Variants in MPP3 observed in about 807,000 individuals in gnomAD.
MPP3 encodes the protein MAGUK p55 subfamily member 3.
Under a neutral mutation model 80.7 loss-of-function variants are expected in MPP3, and 48 were observed. That is an observed-to-expected ratio of 0.59 (90% CI 0.47 to 0.76). MPP3 has a LOEUF of 0.76. Ranked by LOEUF, MPP3 falls within the 30% of genes least tolerant of loss-of-function variation. MPP3 has a pLI of 0.00. For synonymous variants in MPP3, 311 were observed against 297.6 expected, an observed-to-expected ratio of 1.04 and a Z score of -0.46; for missense variants, 620 against 763.0, an observed-to-expected ratio of 0.81 and a Z score of 2.21.
intron 8 of MPP3, 149 bp downstream of exon 8, chr17:43,827,602 G>C (rs1463634240): frequency 7.2e-6 from 5 of 697,058 alleles, no homozygotes; most frequent in Non-Finnish European, 1.2e-5. Flanking sequence ...AAGGAGATGA[G>C]AATTCCAGCC....
chr17:43,812,702 T>C (rs919555561), intron 16 of MPP3, among the ~76,000 whole-genome samples: 1 of 152,202 alleles, frequency 6.6e-6, no homozygotes, highest in Middle Eastern at 3.2e-3. Context: ...GTGGAGTGCC[T>C]AGAAGCAGGT....
Position 43,825,848 on chromosome 17 carries a change from G to A in MPP3, c.524-7C>T, listed in dbSNP as rs572357061. ...TCTCCAACGTGGACCAGGCCTAGGA[G>A]ACACAGGGACTGACCATCAGCACAG... is the stretch of plus-strand genomic sequence containing the variant. On this transcript the variant is annotated splice_region_variant and splice_polypyrimidine_tract_variant and intron_variant, in intron 8 of 19. Transcript: ENST00000398389. The A allele has an allele frequency of 6.4e-7, 1 of 1,574,592 alleles. No individual in the cohort carries two copies. Among genetic ancestry groups the A allele is most frequent in the African/African-American group, 1.3e-5 (1 of 74,288 alleles).
chr17:43,822,374 G>C (rs1200249964), intron 10 of MPP3, among the ~76,000 whole-genome samples: 1 of 152,130 alleles, frequency 6.6e-6, no homozygotes, highest in Non-Finnish European at 1.5e-5. Context: ...CTGAGAGGCA[G>C]GTATGGGAAT....
At chr17:43,805,244 G>C (rs1870496828) in intron 19 of MPP3, among the ~76,000 whole-genome samples, 2 of 152,172 alleles carry the variant, frequency 1.3e-5, no homozygotes, top group African/African-American at 4.8e-5. Flanking sequence ...GATGATTAGA[G>C]AAATGCAAAT....
chr17:43,812,382 C>A (rs2044905332), intron 16 of MPP3, among the ~76,000 whole-genome samples: 1 of 152,140 alleles, frequency 6.6e-6, no homozygotes, highest in Admixed American at 6.5e-5. Context: ...CATGTCATCC[C>A]CCTGCTTAAA....
intron 7 of MPP3, 58 bp downstream of exon 7, chr17:43,829,596 G>C (rs2045864187): frequency 3.1e-6 from 5 of 1,593,272 alleles, no homozygotes; most frequent in Non-Finnish European, 4.3e-6. Context: ...CAGTGTTCTG[G>C]GTGGGGGTGA....
chr17:43,802,252 T>A (rs573881799), intron 19 of MPP3, among the ~76,000 whole-genome samples: 4 of 152,210 alleles, frequency 2.6e-5, no homozygotes, highest in Admixed American at 1.3e-4. Context: ...TTGTGCCGCA[T>A]GACATTCAGT....
intron 9 of MPP3, among the ~76,000 whole-genome samples, chr17:43,824,613 A>G (rs1032421951): frequency 2.6e-5 from 4 of 152,078 alleles, no homozygotes; most frequent in Non-Finnish European, 5.9e-5. Context: ...GCAGGGCCCA[A>G]AAGATCACCT....
chr17:43,818,160 C>T, intron 11 of MPP3, 50 bp from the exon 12 acceptor site: 1 of 1,416,964 alleles, frequency 7.1e-7, no homozygotes. Flanking sequence ...GCCAGATAAC[C>T]ACTTGAAAGG....
In MPP3 at chr17:43,801,558, T is replaced by G. The variant is rs2044407877; in HGVS notation, c.*143A>C. ...GACAAAAACCAACAACAAACAAGAC[T>G]TCCCACTTATACTCTTCTCGATGAT... On this transcript the variant is annotated 3_prime_UTR_variant, in exon 20 of 20. Coordinates refer to ENST00000398389, the MANE Select transcript of MPP3 (RefSeq NM_001932.6). 2 of 745,878 alleles carry G rather than the reference T, an allele frequency of 2.7e-6. No homozygotes were observed. The highest frequency in any genetic ancestry group is 3.6e-5 in the African/African-American group (2 of 55,512). The allele number at this position is 745,878 out of a possible 1,614,324, so 46.2% of individuals were successfully genotyped here.
At chr17:43,820,029 T>G (rs944847999) in intron 11 of MPP3, among the ~76,000 whole-genome samples, 14 of 152,118 alleles carry the variant, frequency 9.2e-5, no homozygotes, top group African/African-American at 2.9e-4. Context: ...ACTGAAGCCT[T>G]GACCTTTTTG....
intron 19 of MPP3, among the ~76,000 whole-genome samples, chr17:43,808,752 C>G (rs548132971): frequency 6.6e-6 from 1 of 152,184 alleles, no homozygotes; most frequent in Non-Finnish European, 1.5e-5. Context: ...GTTTGGGAGG[C>G]ACTTCCAGCT....
chr17:43,823,697 C>T (rs1366288794), intron 10 of MPP3, among the ~76,000 whole-genome samples: 3 of 152,202 alleles, frequency 2.0e-5, no homozygotes, highest in Admixed American at 2.0e-4. Flanking sequence ...ATTAAAATAA[C>T]CTTGTCTTTT....
In MPP3 at chr17:43,823,879, G is replaced by A. The variant is rs73320331; in HGVS notation, c.684+52C>T. On this transcript the variant is annotated intron_variant, in intron 10 of 19. Coordinates refer to ENST00000398389, the MANE Select transcript of MPP3 (RefSeq NM_001932.6). ...GGACTGGATCCAGCCCCCAGCCAGC[G>A]AGCTGCATCTCTCAAGCTGAGAGAG... The A allele has an allele frequency of 4.6e-3, 6,044 of 1,319,814 alleles. 193 individuals are homozygous for A. In the African/African-American group the frequency reaches 0.072, roughly 16 times the overall value. The allele number at this position is 1,319,814 out of a possible 1,614,324, so 81.8% of individuals were successfully genotyped here.
At chr17:43,821,965 GT>G (rs1296286905) in intron 10 of MPP3, among the ~76,000 whole-genome samples, 3 of 152,200 alleles carry the variant, frequency 2.0e-5, no homozygotes, top group African/African-American at 7.2e-5. Context: ...TCAGAAGAAT[GT>G]AATCTTAAGT....
chr17:43,825,979 TG>T, intron 8 of MPP3, 138 bp from the exon 9 acceptor site: 2 of 629,616 alleles, frequency 3.2e-6, no homozygotes, highest in Non-Finnish European at 5.8e-6. Context: ...TGGGTGGGAC[TG>T]GGGCGAACTA....
intron 9 of MPP3, among the ~76,000 whole-genome samples, chr17:43,824,287 C>T (rs933470191): frequency 2.0e-5 from 3 of 152,114 alleles, no homozygotes; most frequent in Admixed American, 6.5e-5. Context: ...GTCAAAGGGA[C>T]GGAAGACTTT....
intron 19 of MPP3, among the ~76,000 whole-genome samples, chr17:43,804,488 A>G (rs552643813): frequency 1.3e-5 from 2 of 152,308 alleles, no homozygotes; most frequent in African/African-American, 4.8e-5. Context: ...GGCTATCCAC[A>G]TGCAAAGAAT....
intron 18 of MPP3, among the ~76,000 whole-genome samples, chr17:43,809,714 C>A (rs1424058522): frequency 6.6e-6 from 1 of 151,978 alleles, no homozygotes; most frequent in African/African-American, 2.4e-5. Flanking sequence ...CCCGTCTCTA[C>A]TAAAAATACA....
Sources: gnomAD v4.1 joint callset for allele counts (sites outside exome capture counted in the v4.1 genomes callset) on GRCh38, gnomAD v4.1.1 for gene constraint, MANE v1.5 for transcripts, NCBI Gene and HGNC (gene_info 2026-07-23, HGNC 2026-07-21) for gene names.